NFATC3: variants seen among roughly 807,000 people sequenced by gnomAD.
The protein encoded by NFATC3 is nuclear factor of activated T-cells, cytoplasmic 3.
A neutral mutation model predicts 98.6 loss-of-function variants in NFATC3; 46 were observed. The observed-to-expected ratio is 0.47, with a 90% CI of 0.37 to 0.60. NFATC3 has a LOEUF of 0.60. NFATC3 is among the 20% of genes least tolerant of loss of function. The pLI is 0.00. For missense variants in NFATC3, 1,256 were observed against 1,295.5 expected (o/e 0.97, Z 0.47); for synonymous variants, 512 against 472.2 (o/e 1.08, Z -1.09).
At chr16:68,217,860 C>T in intron 9 of NFATC3, 1 of 1,227,774 alleles carries the variant, frequency 8.1e-7, no homozygotes. Context: ...AAACGAATTG[C>T]ATGGGCCATA....
intron 3 of NFATC3, among the ~76,000 whole-genome samples, chr16:68,146,074 A>G (rs765955976): frequency 5.9e-5 from 9 of 152,058 alleles, no homozygotes; most frequent in Non-Finnish European, 1.2e-4. Flanking sequence ...TATTTCCAGA[A>G]TACATACTGG....
intron 9 of NFATC3, chr16:68,214,487 T>G: frequency 6.7e-7 from 1 of 1,486,322 alleles, no homozygotes; most frequent in Non-Finnish European, 9.4e-7. Flanking sequence ...GGTATTTGCA[T>G]GCAGTGGCTG....
intron 9 of NFATC3, chr16:68,221,119 A>G: frequency 6.7e-7 from 1 of 1,481,594 alleles, no homozygotes; most frequent in Non-Finnish European, 9.3e-7. Flanking sequence ...ATTAAATTGC[A>G]AGCATTAGTA....
chr16:68,219,965 G>A (rs2041796490), intron 9 of NFATC3, among the ~76,000 whole-genome samples: 1 of 152,228 alleles, frequency 6.6e-6, no homozygotes, highest in Admixed American at 6.5e-5. Context: ...CCTCATTCTT[G>A]TGTGTAGAAA....
intron 1 of NFATC3, chr16:68,089,171 A>C: frequency 1.0e-6 from 1 of 985,418 alleles, no homozygotes; most frequent in Non-Finnish European, 1.2e-6. Flanking sequence ...CTAAATTTCC[A>C]TACAGTGAGA....
chr16:68,109,170 T>C (rs578177055), intron 1 of NFATC3, among the ~76,000 whole-genome samples: 1 of 152,368 alleles, frequency 6.6e-6, no homozygotes, highest in East Asian at 1.9e-4. Flanking sequence ...AGGGGAACAC[T>C]GTCAGCTTTT....
At chr16:68,201,176 C>T (rs2040895139) in intron 9 of NFATC3, among the ~76,000 whole-genome samples, 2 of 152,150 alleles carry the variant, frequency 1.3e-5, no homozygotes, top group African/African-American at 4.8e-5. Flanking sequence ...AAGCGATCTG[C>T]CTGCCTCAGC....
Position 68,191,568 on chromosome 16 carries a change from A to G in NFATC3, c.2899A>G (p.Thr967Ala), listed in dbSNP as rs1279009516. ...SGTASSPSPA[T>A]RMHSGQHSTQ... is the part of the protein sequence containing the mutation. ...AACTGCCTCATCACCGTCTCCAGCC[A>G]CCAGAATGCATTCTGGACAGCACTC... Residue 967 changes from threonine to alanine, a missense_variant, in exon 9 of 10, where the codon ACC becomes GCC. By Grantham distance (58) the Thr-to-Ala change is moderately conservative (BLOSUM62 0). Transcript: ENST00000346183. 6.2e-7 allele frequency: 1 copy of G among 1,614,092 alleles called. No homozygotes were observed. The highest frequency in any genetic ancestry group is 1.7e-5 in the Admixed American group (1 of 59,996).
intron 3 of NFATC3, among the ~76,000 whole-genome samples, chr16:68,137,867 C>T (rs570006153): frequency 1.7e-3 from 255 of 152,080 alleles, no homozygotes; most frequent in African/African-American, 5.9e-3. Context: ...CCGCCCTCCT[C>T]GGTCGGCCTC....
intron 8 of NFATC3, 120 bp downstream of exon 8, chr16:68,183,486 C>G (rs562377792): frequency 2.3e-4 from 229 of 1,011,878 alleles, no homozygotes; most frequent in Non-Finnish European, 3.1e-4. Context: ...AAAACACCAA[C>G]AGATGCCCAC....
At chr16:68,157,270 ATTGT>A (rs1276062093) in intron 3 of NFATC3, among the ~76,000 whole-genome samples, 4 of 151,738 alleles carry the variant, frequency 2.6e-5, no homozygotes, top group African/African-American at 9.7e-5. Flanking sequence ...GATTGTTGAA[ATTGT>A]TTGCTTAAAT....
At chr16:68,190,730 T>C in intron 8 of NFATC3, 38 bp from the exon 9 acceptor site, 1 of 1,543,530 alleles carries the variant, frequency 6.5e-7, no homozygotes, top group Non-Finnish European at 8.7e-7. Context: ...ATTTTATGTA[T>C]TGTATAATAA....
chr16:68,109,464 GATTCGGTTTACCAGTATTT>G (rs2035831937), intron 1 of NFATC3, among the ~76,000 whole-genome samples: 1 of 152,188 alleles, frequency 6.6e-6, no homozygotes, highest in Admixed American at 6.5e-5. Flanking sequence ...TGTGCTGCTG[GATTCGGTTTACCAGTATTT>G]ATTTGAGGAT....
intron 3 of NFATC3, among the ~76,000 whole-genome samples, chr16:68,133,111 C>CA (rs1303818609): frequency 6.6e-6 from 1 of 151,962 alleles, no homozygotes; most frequent in African/African-American, 2.4e-5. Flanking sequence ...ATTAAAAATA[C>CA]AAAAATTAAC....
At chr16:68,187,914 G>A (rs773395415) in intron 8 of NFATC3, among the ~76,000 whole-genome samples, 11 of 151,976 alleles carry the variant, frequency 7.2e-5, no homozygotes, top group South Asian at 4.1e-4. Context: ...ACCTCTTTCC[G>A]CCCAGGAACC....
intron 9 of NFATC3, among the ~76,000 whole-genome samples, chr16:68,196,323 G>C (rs1193349189): frequency 6.6e-6 from 1 of 152,096 alleles, no homozygotes; most frequent in Non-Finnish European, 1.5e-5. Context: ...GTTTCGCCAT[G>C]TTGGCCAGGC....
chr16:68,185,597 C>T (rs781693216), intron 8 of NFATC3, among the ~76,000 whole-genome samples: 6 of 151,804 alleles, frequency 4.0e-5, no homozygotes, highest in South Asian at 4.2e-4. Flanking sequence ...AACCAGGGGC[C>T]GGGCGCGGTG....
intron 9 of NFATC3, among the ~76,000 whole-genome samples, chr16:68,220,658 G>A (rs1250205539): frequency 4.0e-5 from 6 of 149,572 alleles, no homozygotes; most frequent in South Asian, 2.1e-4. Flanking sequence ...CTGTAATCCC[G>A]GCACTTTGGG....
chr16:68,155,718 A>G (rs1268065660), intron 3 of NFATC3, among the ~76,000 whole-genome samples: 1 of 152,126 alleles, frequency 6.6e-6, no homozygotes, highest in Admixed American at 6.6e-5. Flanking sequence ...GTGACCTTAC[A>G]AAAGAAATAG....
Sources: allele counts gnomAD v4.1 joint callset (sites outside exome capture counted in the v4.1 genomes callset), GRCh38; gene constraint gnomAD v4.1.1; transcripts MANE v1.5; gene names NCBI Gene and HGNC (gene_info 2026-07-23, HGNC 2026-07-21).